Variants in AMD1 observed in about 807,000 individuals in gnomAD.
AMD1 encodes adenosylmethionine decarboxylase 1.
A neutral mutation model predicts 40.2 loss-of-function variants in AMD1; 11 were observed. The ratio of observed to expected loss-of-function variants is 0.27; its 90% CI spans 0.17 to 0.45. The LOEUF is 0.45. Ranked by LOEUF, AMD1 falls within the 20% of genes least tolerant of loss-of-function variation. The pLI, the probability that AMD1 is intolerant of heterozygous loss-of-function variation, is 1.00. For synonymous variants in AMD1, 121 were observed against 130.8 expected, an observed-to-expected ratio of 0.93 and a Z score of 0.51; for missense variants, 257 against 410.2, an observed-to-expected ratio of 0.63 and a Z score of 3.23.
chr6:110,841,781 A>G, the AMD1 span, among the ~76,000 whole-genome samples: 1 of 151,362 alleles, frequency 6.6e-6, no homozygotes, highest in East Asian at 1.9e-4. Flanking sequence ...TACATGAAAC[A>G]TTTGTTTTAT....
chr6:110,876,097 G>C (rs1399823402), intron 1 of AMD1, among the ~76,000 whole-genome samples: 1 of 152,216 alleles, frequency 6.6e-6, no homozygotes, highest in Non-Finnish European at 1.5e-5. Flanking sequence ...AAGGAATCTG[G>C]GGCCCACTCC....
chr6:110,859,243 T>C, the AMD1 span: 1 of 488,776 alleles, frequency 2.0e-6, no homozygotes, highest in Non-Finnish European at 3.6e-6. Flanking sequence ...TGTTCAGTGC[T>C]GCCAATCAAC....
chr6:110,816,374 G>A, the AMD1 span, among the ~76,000 whole-genome samples: 3 of 152,178 alleles, frequency 2.0e-5, no homozygotes, highest in South Asian at 2.1e-4. Context: ...AACGTTGATT[G>A]ATTTCATTGT....
chr6:110,866,057 C>T, the AMD1 span, among the ~76,000 whole-genome samples: 1 of 152,194 alleles, frequency 6.6e-6, no homozygotes, highest in Admixed American at 6.5e-5. Flanking sequence ...CCCACCATGC[C>T]TGGCCTTCAT....
At chr6:110,892,243 G>A in intron 5 of AMD1, 40 bp downstream of exon 5, 3 of 1,613,732 alleles carry the variant, frequency 1.9e-6, no homozygotes, top group Non-Finnish European at 2.5e-6. Flanking sequence ...GTTGTCCTAT[G>A]TAAGATTTAA....
At chr6:110,846,217 T>A in the AMD1 span, among the ~76,000 whole-genome samples, 1 of 151,786 alleles carries the variant, frequency 6.6e-6, no homozygotes, top group Non-Finnish European at 1.5e-5. Flanking sequence ...CCAGCCTGGG[T>A]GACAGTGTGA....
the AMD1 span, among the ~76,000 whole-genome samples, chr6:110,847,397 T>C: frequency 7.9e-5 from 12 of 151,112 alleles, no homozygotes; most frequent in Non-Finnish European, 1.5e-4. Flanking sequence ...TGGTGGTGGG[T>C]GCCTGTAGTC....
chr6:110,857,770 GTA>G, the AMD1 span, among the ~76,000 whole-genome samples: 2,542 of 142,082 alleles, frequency 0.018, 32 homozygotes, highest in Non-Finnish European at 0.029. Flanking sequence ...TAGATGGTGT[GTA>G]TATATATATA....
chr6:110,884,338 C>G (rs758810699), intron 1 of AMD1, among the ~76,000 whole-genome samples: 11 of 152,130 alleles, frequency 7.2e-5, no homozygotes, highest in African/African-American at 1.2e-4. Flanking sequence ...TACTCAAAAC[C>G]AGGAAAATCT....
the AMD1 span, among the ~76,000 whole-genome samples, chr6:110,828,874 G>C: frequency 6.6e-6 from 1 of 152,052 alleles, no homozygotes; most frequent in African/African-American, 2.4e-5. Context: ...CTGTCCTGCT[G>C]TTAAAGCCCT....
At chr6:110,822,708 T>A in the AMD1 span, among the ~76,000 whole-genome samples, 5 of 152,134 alleles carry the variant, frequency 3.3e-5, no homozygotes, top group African/African-American at 1.2e-4. Context: ...CTAAATCTAA[T>A]AGCACATCAA....
chr6:110,883,324 T>C (rs182199291), intron 1 of AMD1, among the ~76,000 whole-genome samples: 1 of 152,262 alleles, frequency 6.6e-6, no homozygotes, highest in Admixed American at 6.5e-5. Flanking sequence ...TTTCCTGTTT[T>C]TTTTCCCCTG....
intron 1 of AMD1, among the ~76,000 whole-genome samples, chr6:110,882,367 AG>A (rs1442348808): frequency 6.6e-6 from 1 of 152,038 alleles, no homozygotes; most frequent in Non-Finnish European, 1.5e-5. Flanking sequence ...AAATTTTGCA[AG>A]GCAGACAGTC....
chr6:110,835,175 C>A, the AMD1 span, among the ~76,000 whole-genome samples: 2 of 151,078 alleles, frequency 1.3e-5, no homozygotes, highest in African/African-American at 4.9e-5. Flanking sequence ...CCCGCCACCA[C>A]GCCCGGCTAA....
chr6:110,883,429 TCTC>T (rs1284879413), intron 1 of AMD1, among the ~76,000 whole-genome samples: 2 of 152,282 alleles, frequency 1.3e-5, no homozygotes, highest in Middle Eastern at 3.4e-3. Flanking sequence ...GCTCTCTAGT[TCTC>T]CTCTGCAAAG....
chr6:110,844,884 A>G, the AMD1 span, among the ~76,000 whole-genome samples: 1 of 152,168 alleles, frequency 6.6e-6, no homozygotes, highest in African/African-American at 2.4e-5. Flanking sequence ...TGCAGACAGT[A>G]CAAGAAATGT....
chr6:110,814,918 C>T, the AMD1 span: 6 of 1,550,042 alleles, frequency 3.9e-6, no homozygotes, highest in African/African-American at 1.4e-5. Context: ...CCCTCGGGCA[C>T]GGCCCGACTG....
the AMD1 span, chr6:110,815,637 TC>T: frequency 1.3e-5 from 2 of 152,402 alleles, no homozygotes; most frequent in Non-Finnish European, 2.9e-5. Flanking sequence ...CCCCTCCCCC[TC>T]AGGTAGCGCA....
chr6:110,814,796 C>A, the AMD1 span: 1 of 690,732 alleles, frequency 1.4e-6, no homozygotes, highest in Non-Finnish European at 2.6e-6. Context: ...TCGGACCGGG[C>A]TGCGCCGCGG....
Sources: gnomAD v4.1 joint callset for allele counts (sites outside exome capture counted in the v4.1 genomes callset) on GRCh38, gnomAD v4.1.1 for gene constraint, MANE v1.5 for transcripts, NCBI Gene and HGNC (gene_info 2026-07-23, HGNC 2026-07-21) for gene names.